Variants in MKNK2 observed in about 807,000 individuals in gnomAD.
MKNK2 encodes MAPK interacting serine/threonine kinase 2.
A neutral mutation model predicts 55.0 loss-of-function variants in MKNK2; 54 were observed. The ratio of observed to expected loss-of-function variants is 0.98; its 90% CI spans 0.79 to 1.23. The LOEUF is 1.23. Among genes scored for constraint, MKNK2 ranks in the 50% most tolerant of loss-of-function variants. The pLI is 0.00. For synonymous variants in MKNK2, 323 were observed against 256.0 expected (o/e 1.26, Z -2.50); for missense variants, 685 against 632.1 (o/e 1.08, Z -0.90).
At chr19:2,047,576 C>T (rs572409388) in intron 2 of MKNK2, among the ~76,000 whole-genome samples, 5 of 152,158 alleles carry the variant, frequency 3.3e-5, no homozygotes, top group South Asian at 2.1e-4. Flanking sequence ...TCAAAGGCAG[C>T]GGGGCAGTGG....
rs1242232545 is a variant in MKNK2 at position 2,043,165 on chromosome 19, T to C, written c.452A>G (p.Glu151Gly). 5 of 1,610,690 alleles carry C rather than the reference T, an allele frequency of 3.1e-6. No homozygotes were observed. Among genetic ancestry groups the C allele is most frequent in the Non-Finnish European group, 4.2e-6 (5 of 1,178,224 alleles). Residue 151 changes from glutamate (E) to glycine (G), a missense_variant, in exon 7 of 14, where the codon GAG becomes GGG. Physicochemically the swap from Glu to Gly is moderately conservative, Grantham distance 98. Transcript: ENST00000250896. ...NVLELIEFFE[E>G]EDRFYLVFEK... is the part of the protein sequence containing the mutation. Reference sequence around the variant, plus strand: ...AAACACCAGGTAGAAGCGGTCCTCCTCCTCGAAGAACTCAATCAGCTCTAG... The same window carrying C: ...AAACACCAGGTAGAAGCGGTCCTCCCCCTCGAAGAACTCAATCAGCTCTAG...
chr19:2,042,698 G>C, intron 8 of MKNK2, 36 bp from the exon 9 acceptor site: 1 of 1,551,098 alleles, frequency 6.4e-7, no homozygotes, highest in Non-Finnish European at 8.7e-7. Flanking sequence ...ACGGGGTGAG[G>C]GTCTGGAGGT....
At chr19:2,040,687 T>G in intron 12 of MKNK2, 1 of 338,100 alleles carries the variant, frequency 3.0e-6, no homozygotes. Context: ...CAGGGAAGGG[T>G]GGAGGCACAG....
At chr19:2,043,433 G>C (rs1238601437) in intron 6 of MKNK2, 70 bp downstream of exon 6, 1 of 1,413,394 alleles carries the variant, frequency 7.1e-7, no homozygotes, top group Non-Finnish European at 1.0e-6. Flanking sequence ...TGGGGGTGAT[G>C]TGGCACTCAG....
chr19:2,039,398 A>G lies in MKNK2; in HGVS notation c.*215T>C. Reference sequence around the variant, plus strand: ...CCGGGTGCCTGCAATGCTTTTAACCATCCAAAGGAAAAAATAACGGGGAGG... The same window carrying G: ...CCGGGTGCCTGCAATGCTTTTAACCGTCCAAAGGAAAAAATAACGGGGAGG... On this transcript the variant is annotated 3_prime_UTR_variant, in exon 14 of 14. Transcript: ENST00000250896. 2 of 1,406,458 alleles carry G rather than the reference A, an allele frequency of 1.4e-6. No individual in the cohort carries two copies. The highest frequency in any genetic ancestry group is 1.7e-5 in the South Asian group (1 of 60,558). The allele number at this position is 1,406,458 out of a possible 1,614,324, so 87.1% of individuals were successfully genotyped here.
chr19:2,048,041 C>CA (rs72011065), intron 2 of MKNK2, among the ~76,000 whole-genome samples: 24,968 of 152,136 alleles, frequency 0.16, 2,193 homozygotes, highest in Admixed American at 0.19. Context: ...CCTGGGGGCT[C>CA]ACGGGAGAGG....
rs1187209265 is a variant in MKNK2 at position 2,050,853 on chromosome 19, T to C, written c.-2A>G. ...TTCGGCTGGTTTCTTCTGCACCATCTTCTGTCCGGGCCCCGCCAGCGGGGG... is the reference window on the plus strand; with the variant it reads ...TTCGGCTGGTTTCTTCTGCACCATCCTCTGTCCGGGCCCCGCCAGCGGGGG... On this transcript the variant is annotated 5_prime_UTR_variant, in exon 2 of 14. Transcript: ENST00000250896. 4 of 1,528,422 alleles carry C rather than the reference T, an allele frequency of 2.6e-6. No individual in the cohort carries two copies. The African/African-American group carries it at 4.3e-5, about 16-fold the overall frequency. The allele number at this position is 1,528,422 out of a possible 1,614,324, so 94.7% of individuals were successfully genotyped here. A position where few individuals can be genotyped will look rare whatever the true frequency, so the allele number is the denominator to read the frequency against.
rs547719195 is a variant in MKNK2 at position 2,038,468 on chromosome 19, G to C, written c.*1145C>G. The C allele has an allele frequency of 6.1e-6, 6 of 985,634 alleles. No individual in the cohort carries two copies. The East Asian group carries it at 4.6e-4, about 75-fold the overall frequency. The allele number at this position is 985,634 out of a possible 1,614,324, so 61.1% of individuals were successfully genotyped here. A position where few individuals can be genotyped will look rare whatever the true frequency, so the allele number is the denominator to read the frequency against. The stretch of plus-strand genomic sequence containing the variant: ...CAGGCTCCGCAGCCCCCGGGGGTTG[G>C]AGCATGGAGGGTGGGGGGACTGAGC... On this transcript the variant is annotated 3_prime_UTR_variant, in exon 14 of 14. Coordinates refer to ENST00000250896, the MANE Select transcript of MKNK2 (RefSeq NM_199054.3).
intron 10 of MKNK2, 191 bp downstream of exon 10, chr19:2,042,236 C>G (rs1251146451): frequency 1.4e-6 from 1 of 720,030 alleles, no homozygotes; most frequent in Non-Finnish European, 2.2e-6. Context: ...CCGCCCCACC[C>G]GGCCAAACAC....
Position 2,037,789 on chromosome 19 carries a change from T to C in MKNK2, c.*1824A>G. On this transcript the variant is annotated 3_prime_UTR_variant, in exon 14 of 14. Transcript: ENST00000250896. ...ACCAGTCCTCCAGGTCGCACGTGGATGCGACAGGGGTGGGGAGGGAGGAGG... is the reference window on the plus strand; with the variant it reads ...ACCAGTCCTCCAGGTCGCACGTGGACGCGACAGGGGTGGGGAGGGAGGAGG... 6.2e-7 allele frequency: 1 copy of C among 1,604,904 alleles called. No homozygotes were observed. The highest frequency in any genetic ancestry group is 2.2e-5 in the East Asian group (1 of 44,718).
chr19:2,043,299 T>G, intron 6 of MKNK2, 102 bp from the exon 7 acceptor site: 1 of 1,103,436 alleles, frequency 9.1e-7, no homozygotes, highest in Non-Finnish European at 1.4e-6. Context: ...TGCTGGCCTG[T>G]CCACCGGAAG....
intron 10 of MKNK2, 62 bp downstream of exon 10, chr19:2,042,365 C>G: frequency 3.5e-6 from 5 of 1,435,528 alleles, no homozygotes; most frequent in Middle Eastern, 2.3e-4. Flanking sequence ...GCCCAGGCTC[C>G]GCGAGGTTAT....
rs2145682622 is a variant in MKNK2, at chr19:2,039,744, G to A, written c.1267C>T (p.Gln423Ter). ...LAEEEAAGQGQPVLVRATSRC... is the reference protein window; with the variant it reads ...LAEEEAAGQG ...GAGGTAGCTCGGACCAGGACGGGCT[G>A]GCCCTGCCCCGCGGCCTCCTCCTCA... The change falls in exon 14 of 14, where the codon CAG becomes TAG. Residue 423 changes from glutamine to a stop codon, truncating the protein, a stop_gained. Transcript: ENST00000250896. LOFTEE classifies it high-confidence loss of function. 1 of 1,610,292 alleles carries A rather than the reference G, an allele frequency of 6.2e-7. No individual in the cohort carries two copies. The highest frequency in any genetic ancestry group is 8.5e-7 in the Non-Finnish European group (1 of 1,179,780).
rs2016872634 is a variant in MKNK2, at chr19:2,041,178, C to G, written c.972G>C (p.Glu324Asp). 1 of 1,613,760 alleles carries G rather than the reference C, an allele frequency of 6.2e-7. No homozygotes were observed. The highest frequency in any genetic ancestry group is 8.5e-7 in the Non-Finnish European group (1 of 1,179,770). ...CCTTGTCGGGGAACTCGTACTTGCC[C>G]TCCTGGATGCTCTCAAACAGCATGT... ...CQNMLFESIQ[E>D]GKYEFPDKDW... The change falls in exon 12 of 14, where the codon GAG becomes GAC. Residue 324 changes from glutamate (E) to aspartate (D), a missense_variant. By Grantham distance (45) the Glu-to-Asp change is conservative. Transcript: ENST00000250896.
chr19:2,048,951 C>T (rs1158455744), intron 2 of MKNK2, among the ~76,000 whole-genome samples: 1 of 152,202 alleles, frequency 6.6e-6, no homozygotes, highest in Non-Finnish European at 1.5e-5. Context: ...GGCCTAGTGA[C>T]CTCACCCTGG....
rs1357763696 is a variant in MKNK2, at chr19:2,038,454, G to GC, written c.*1158dup. On this transcript the variant is annotated 3_prime_UTR_variant, in exon 14 of 14. Transcript: ENST00000250896. ...CGGGGAGGGGGCAGCAGGCTCCGCA[G>GC]CCCCCGGGGGTTGGAGCATGGAGGG... The GC allele has an allele frequency of 9.1e-6, 9 of 985,148 alleles. No homozygotes were observed. The highest frequency in any genetic ancestry group is 1.1e-5 in the Non-Finnish European group (9 of 829,700). The allele number at this position is 985,148 out of a possible 1,614,324, so 61.0% of individuals were successfully genotyped here. A position where few individuals can be genotyped will look rare whatever the true frequency, so the allele number is the denominator to read the frequency against.
chr19:2,040,281 G>A, intron 12 of MKNK2, 104 bp from the exon 13 acceptor site: 1 of 1,029,810 alleles, frequency 9.7e-7, no homozygotes, highest in Non-Finnish European at 1.4e-6. Context: ...CCCATCACCA[G>A]GACCCCACCG....
chr19:2,041,796 G>T, intron 11 of MKNK2, 44 bp downstream of exon 11: 2 of 1,457,472 alleles, frequency 1.4e-6, no homozygotes, highest in Non-Finnish European at 1.8e-6. Flanking sequence ...GCAGGCCCGG[G>T]GGAGGAGGGT....
At position 2,037,755 on chromosome 19, in the gene MKNK2, A is replaced by G. The variant is rs774315053; in HGVS notation, c.*1858T>C. On this transcript the variant is annotated 3_prime_UTR_variant, in exon 14 of 14. Transcript: ENST00000250896. The stretch of plus-strand genomic sequence containing the variant: ...CCAGGATCTTCACTCATTCACAGTA[A>G]CGGTTCTGACCAGTCCTCCAGGTCG... The G allele has an allele frequency of 1.2e-6, 2 of 1,601,044 alleles. No individual in the cohort carries two copies. Among genetic ancestry groups the G allele is most frequent in the Non-Finnish European group, 1.7e-6 (2 of 1,171,740 alleles).
Sources: gnomAD v4.1 joint callset for allele counts (sites outside exome capture counted in the v4.1 genomes callset) on GRCh38, gnomAD v4.1.1 for gene constraint, MANE v1.5 for transcripts, NCBI Gene and HGNC (gene_info 2026-07-23, HGNC 2026-07-21) for gene names.